Variants in COP1 observed in about 807,000 individuals in gnomAD.
COP1 encodes E3 ubiquitin-protein ligase COP1.
A neutral mutation model predicts 101.3 loss-of-function variants in COP1; 24 were observed. That is an observed-to-expected ratio of 0.24 (90% CI 0.17 to 0.33). The LOEUF is 0.33. Among genes scored for constraint, COP1 ranks in the 10% least tolerant of loss-of-function variants. The pLI is 1.00. For missense variants in COP1, 663 were observed against 906.2 expected, an observed-to-expected ratio of 0.73 and a Z score of 3.45; for synonymous variants, 347 against 341.9, an observed-to-expected ratio of 1.01 and a Z score of -0.17.
intron 3 of COP1, among the ~76,000 whole-genome samples, chr1:176,172,249 G>A (rs574886573): frequency 1.8e-4 from 28 of 152,246 alleles, no homozygotes; most frequent in South Asian, 8.3e-4. Flanking sequence ...GCTATATTGC[G>A]CAGACTGGTC....
At chr1:176,045,310 T>C (rs552032087) in intron 12 of COP1, among the ~76,000 whole-genome samples, 1 of 152,264 alleles carries the variant, frequency 6.6e-6, no homozygotes, top group South Asian at 2.1e-4. Context: ...TTCTCAATGA[T>C]GAGTGCCACA....
chr1:176,022,196 A>G (rs1666869914), intron 15 of COP1, among the ~76,000 whole-genome samples: 1 of 152,218 alleles, frequency 6.6e-6, no homozygotes, highest in Non-Finnish European at 1.5e-5. Context: ...TAACAAAATA[A>G]AAGTACAAAG....
At chr1:176,183,619 T>C (rs1224746799) in intron 2 of COP1, among the ~76,000 whole-genome samples, 1 of 152,138 alleles carries the variant, frequency 6.6e-6, no homozygotes, top group East Asian at 1.9e-4. Context: ...CCCAAAAGAC[T>C]TGAAAGCAGA....
intron 15 of COP1, chr1:176,018,445 T>C (rs1666065903): frequency 6.6e-6 from 1 of 152,170 alleles, no homozygotes; most frequent in Non-Finnish European, 1.5e-5. Context: ...CCTAATTTAT[T>C]TGAAACCCTA....
At chr1:176,126,555 C>T (rs1688023078) in intron 8 of COP1, among the ~76,000 whole-genome samples, 1 of 152,102 alleles carries the variant, frequency 6.6e-6, no homozygotes, top group Non-Finnish European at 1.5e-5. Context: ...CTCCCGGGTT[C>T]AAGTGATTCT....
chr1:176,075,013 A>T (rs1677720867), intron 11 of COP1, among the ~76,000 whole-genome samples: 1 of 152,154 alleles, frequency 6.6e-6, no homozygotes, highest in Admixed American at 6.5e-5. Flanking sequence ...CTGTTTCATA[A>T]ACTATTCTTT....
At chr1:176,086,339 C>G (rs545610967) in intron 9 of COP1, among the ~76,000 whole-genome samples, 1 of 151,132 alleles carries the variant, frequency 6.6e-6, no homozygotes, top group South Asian at 2.1e-4. Flanking sequence ...CATTCTCCTG[C>G]CTCAGCCTCC....
chr1:176,127,599 ATATG>A (rs1688230258), intron 8 of COP1, among the ~76,000 whole-genome samples: 6 of 75,038 alleles, frequency 8.0e-5, no homozygotes, highest in Admixed American at 3.3e-4. Context: ...GTATGTGTAT[ATATG>A]TGTGTGTGTG....
intron 8 of COP1, among the ~76,000 whole-genome samples, chr1:176,131,339 C>T (rs1248455864): frequency 6.6e-6 from 1 of 151,740 alleles, no homozygotes; most frequent in Non-Finnish European, 1.5e-5. Flanking sequence ...TAGGATATGA[C>T]AATTACAGCT....
chr1:176,049,921 A>C (rs568101748), intron 11 of COP1, among the ~76,000 whole-genome samples: 48 of 152,354 alleles, frequency 3.2e-4, no homozygotes, highest in Non-Finnish European at 6.6e-4. Flanking sequence ...ATAAAAGGTA[A>C]ACTAATTAAC....
intron 9 of COP1, among the ~76,000 whole-genome samples, chr1:176,086,401 AAT>A (rs927186922): frequency 5.3e-5 from 8 of 151,542 alleles, no homozygotes; most frequent in Non-Finnish European, 1.0e-4. Flanking sequence ...AATTATATTG[AAT>A]TTTTAGTAGA....
At chr1:175,997,090 T>C (rs1189662167) in intron 15 of COP1, among the ~76,000 whole-genome samples, 2 of 152,008 alleles carry the variant, frequency 1.3e-5, no homozygotes, top group African/African-American at 4.8e-5. Context: ...TCAGAAATAA[T>C]GCCGCGTACC....
intron 15 of COP1, among the ~76,000 whole-genome samples, chr1:176,009,433 A>G (rs1664201631): frequency 6.6e-6 from 1 of 152,224 alleles, no homozygotes; most frequent in African/African-American, 2.4e-5. Context: ...ACGTATTCTC[A>G]TGTTAATACA....
In COP1 at chr1:175,992,599, G is replaced by T. The variant is rs770151286; in HGVS notation, c.1730-3120C>A. Among the ~76,000 whole-genome samples the T allele has an allele frequency of 1.4e-3, 212 of 152,322 alleles. 1 individual carries two copies. Among genetic ancestry groups the T allele is most frequent in the Non-Finnish European group, 2.5e-3 (172 of 68,026 alleles). On this transcript the variant is annotated intron_variant, in intron 15 of 19. Coordinates refer to ENST00000367669, the MANE Select transcript of COP1 (RefSeq NM_022457.7). ...ATGGCGGACCAGGAGATTATATCCCGCACCTGGCTCGGAGGGTCCTACGCC... is the reference window on the plus strand; with the variant it reads ...ATGGCGGACCAGGAGATTATATCCCTCACCTGGCTCGGAGGGTCCTACGCC...
chr1:176,203,380 A>G (rs1200591073), intron 1 of COP1, among the ~76,000 whole-genome samples: 2 of 152,356 alleles, frequency 1.3e-5, no homozygotes, highest in East Asian at 1.9e-4. Flanking sequence ...AGAGCTTACT[A>G]TCTACATGCA....
chr1:176,142,695 C>T (rs1264041946), intron 6 of COP1, among the ~76,000 whole-genome samples: 1 of 149,954 alleles, frequency 6.7e-6, no homozygotes, highest in African/African-American at 2.5e-5. Context: ...GACTACAATG[C>T]AATTATAACA....
chr1:176,161,744 C>G (rs75224169), intron 5 of COP1, among the ~76,000 whole-genome samples: 1 of 152,146 alleles, frequency 6.6e-6, no homozygotes, highest in African/African-American at 2.4e-5. Flanking sequence ...ACAGTAGATG[C>G]TAATAGTAAA....
chr1:175,963,468 G>A (rs1273559415), intron 18 of COP1, among the ~76,000 whole-genome samples: 2 of 152,084 alleles, frequency 1.3e-5, no homozygotes, highest in Admixed American at 1.3e-4. Context: ...AGCCCGACCT[G>A]GGTTCTAATT....
chr1:176,003,072 C>T (rs1557892551), intron 15 of COP1, among the ~76,000 whole-genome samples: 2 of 151,716 alleles, frequency 1.3e-5, no homozygotes, highest in Non-Finnish European at 2.9e-5. Context: ...GATGGTATCT[C>T]ATTGTGGTTT....
Sources: gnomAD v4.1 joint callset for allele counts (sites outside exome capture counted in the v4.1 genomes callset) on GRCh38, gnomAD v4.1.1 for gene constraint, MANE v1.5 for transcripts, NCBI Gene and HGNC (gene_info 2026-07-23, HGNC 2026-07-21) for gene names.